The following CORO1C variants were observed in gnomAD, a reference collection of about 807,000 sequenced individuals.
CORO1C encodes coronin-1C.
A neutral mutation model predicts 51.2 loss-of-function variants in CORO1C; 14 were observed. That is an observed-to-expected ratio of 0.27 (90% CI 0.18 to 0.43). The LOEUF is 0.43. Ranked by LOEUF, CORO1C falls within the 20% of genes least tolerant of loss-of-function variation. The pLI is 1.00. For missense variants in CORO1C, 417 were observed against 607.8 expected (o/e 0.69, Z 3.30); for synonymous variants, 181 against 210.5 (o/e 0.86, Z 1.21).
In CORO1C at chr12:108,647,294, T is replaced by G; in HGVS notation, c.*109A>C. The G allele has an allele frequency of 1.0e-6, 1 of 993,914 alleles. No individual in the cohort carries two copies. The highest frequency in any genetic ancestry group is 2.0e-5 in the South Asian group (1 of 48,878). The allele number at this position is 993,914 out of a possible 1,614,324, so 61.6% of individuals were successfully genotyped here. ...GTTGACAAATCTGAAATGGAATGTC[T>G]CCAAATGGCAGTGCCTCCCTTTCCG... is the stretch of plus-strand genomic sequence containing the variant. On this transcript the variant is annotated 3_prime_UTR_variant, in exon 11 of 11. Coordinates refer to ENST00000261401, the MANE Select transcript of CORO1C (RefSeq NM_014325.4).
At chr12:108,683,957 A>T (rs1023886621) in intron 2 of CORO1C, among the ~76,000 whole-genome samples, 3 of 152,220 alleles carry the variant, frequency 2.0e-5, no homozygotes, top group African/African-American at 7.2e-5. Context: ...TGAAGCCTAT[A>T]TGACTTATAA....
At chr12:108,692,547 C>G (rs934418522) in intron 2 of CORO1C, among the ~76,000 whole-genome samples, 30 of 152,346 alleles carry the variant, frequency 2.0e-4, no homozygotes, top group African/African-American at 6.0e-4. Context: ...TCAAGTAGCC[C>G]ATGAAAGAAG....
intron 2 of CORO1C, among the ~76,000 whole-genome samples, chr12:108,681,370 G>A (rs1049650150): frequency 1.1e-4 from 16 of 152,126 alleles, no homozygotes; most frequent in Non-Finnish European, 2.2e-4. Flanking sequence ...TCCCACCTCC[G>A]GCAGTATAAG....
intron 4 of CORO1C, among the ~76,000 whole-genome samples, chr12:108,659,191 T>A (rs893190799): frequency 2.0e-5 from 3 of 152,238 alleles, no homozygotes; most frequent in African/African-American, 7.2e-5. Flanking sequence ...TTTGGGTTCA[T>A]ATGAAACAAT....
In CORO1C at chr12:108,652,421, TA is replaced by T; in HGVS notation, c.856-5del. On this transcript the variant is annotated splice_polypyrimidine_tract_variant and splice_region_variant and intron_variant, in intron 7 of 10. Coordinates refer to ENST00000261401, the MANE Select transcript of CORO1C (RefSeq NM_014325.4). Reference sequence around the variant, plus strand: ...AATAGCGAATACTGCTGTCACCCTGTAAGAAACCAGAGACAAGTCTGTGTCT... The same window carrying T: ...AATAGCGAATACTGCTGTCACCCTGTAGAAACCAGAGACAAGTCTGTGTCT... 6.2e-7 allele frequency: 1 copy of T among 1,612,240 alleles called. No homozygotes were observed. The highest frequency in any genetic ancestry group is 8.5e-7 in the Non-Finnish European group (1 of 1,178,466).
intron 1 of CORO1C, among the ~76,000 whole-genome samples, chr12:108,716,556 C>T (rs1032399192): frequency 6.6e-6 from 1 of 152,112 alleles, no homozygotes; most frequent in African/African-American, 2.4e-5. Flanking sequence ...TTCAAAGGAA[C>T]ATTAAGGAAG....
intron 1 of CORO1C, among the ~76,000 whole-genome samples, chr12:108,702,552 CAT>C (rs1300271050): frequency 2.6e-5 from 4 of 152,134 alleles, no homozygotes; most frequent in Non-Finnish European, 5.9e-5. Flanking sequence ...ACATTCTGTT[CAT>C]GTTGGTTAGA....
Position 108,652,336 on chromosome 12 carries a change from G to A in CORO1C, c.937C>T (p.Pro313Ser), listed in dbSNP as rs1327464387. 1 of 1,613,682 alleles carries A rather than the reference G, an allele frequency of 6.2e-7. No individual in the cohort carries two copies. The highest frequency in any genetic ancestry group is 8.5e-7 in the Non-Finnish European group (1 of 1,179,764). ...HYLNTFSSKE[P>S]QRGMGYMPKR... The stretch of plus-strand genomic sequence containing the variant: ...GGCATGTAACCCATCCCTCTCTGAG[G>A]CTCCTTGCTGCTGAATGTGTTGAGG... Residue 313 changes from proline to serine, a missense_variant, in exon 8 of 11, where the codon CCT becomes TCT. By Grantham distance (74) the Pro-to-Ser change is moderately conservative. Transcript: ENST00000261401.
chr12:108,695,338 T>C (rs2034637452), intron 2 of CORO1C, among the ~76,000 whole-genome samples: 1 of 152,190 alleles, frequency 6.6e-6, no homozygotes. Context: ...GCTAGCCCTA[T>C]TCAGTGTTGG....
At chr12:108,668,780 C>T (rs1157759121) in intron 3 of CORO1C, among the ~76,000 whole-genome samples, 1 of 152,172 alleles carries the variant, frequency 6.6e-6, no homozygotes, top group Non-Finnish European at 1.5e-5. Flanking sequence ...TTGATTACTA[C>T]CCTGCAGATA....
chr12:108,683,412 CTG>C (rs1399114163), intron 2 of CORO1C, among the ~76,000 whole-genome samples: 1 of 135,832 alleles, frequency 7.4e-6, no homozygotes, highest in East Asian at 2.1e-4. Context: ...GTGCAAGACT[CTG>C]TCTCAAAAAA....
intron 1 of CORO1C, among the ~76,000 whole-genome samples, chr12:108,713,819 C>CG (rs2035252787): frequency 6.6e-6 from 1 of 152,216 alleles, no homozygotes; most frequent in Admixed American, 6.5e-5. Context: ...CCACATCAGC[C>CG]AACAATGGCA....
At chr12:108,671,060 T>C (rs975521602) in intron 3 of CORO1C, among the ~76,000 whole-genome samples, 2 of 151,636 alleles carry the variant, frequency 1.3e-5, no homozygotes, top group African/African-American at 4.8e-5. Context: ...GGGCCTGGCA[T>C]GGTGGCTCAC....
intron 2 of CORO1C, among the ~76,000 whole-genome samples, chr12:108,679,095 G>A (rs2034021452): frequency 2.0e-5 from 2 of 102,364 alleles, no homozygotes; most frequent in South Asian, 3.6e-4. Context: ...TGGCGACAGA[G>A]AGAGACTCTG....
At chr12:108,660,231 C>T (rs890630164) in intron 4 of CORO1C, among the ~76,000 whole-genome samples, 1 of 152,186 alleles carries the variant, frequency 6.6e-6, no homozygotes, top group African/African-American at 2.4e-5. Context: ...GCGGGCAGAT[C>T]ACCTGAGGTC....
At chr12:108,701,489 C>T (rs747605922) in intron 1 of CORO1C, 166 bp from the exon 2 acceptor site, 4 of 979,694 alleles carry the variant, frequency 4.1e-6, no homozygotes, top group South Asian at 1.7e-5. Flanking sequence ...CAGCACATAC[C>T]CGGAGACAAC....
intron 2 of CORO1C, among the ~76,000 whole-genome samples, chr12:108,684,150 T>A (rs372636316): frequency 1.7e-4 from 26 of 152,206 alleles, no homozygotes; most frequent in East Asian, 7.7e-4. Context: ...AGCAGAGAAC[T>A]CACAGCGAAG....
chr12:108,667,781 A>G (rs1289002775), intron 3 of CORO1C, among the ~76,000 whole-genome samples: 1 of 152,098 alleles, frequency 6.6e-6, no homozygotes, highest in Non-Finnish European at 1.5e-5. Flanking sequence ...GTGGTTCTGG[A>G]AAAAAACAAC....
intron 6 of CORO1C, among the ~76,000 whole-genome samples, chr12:108,655,555 T>A (rs1284154904): frequency 2.0e-5 from 3 of 152,222 alleles, no homozygotes; most frequent in African/African-American, 7.2e-5. Flanking sequence ...GGTTTTCGTA[T>A]TTTTTTGGTG....
Sources: gnomAD v4.1 joint callset for allele counts (sites outside exome capture counted in the v4.1 genomes callset) on GRCh38, gnomAD v4.1.1 for gene constraint, MANE v1.5 for transcripts, NCBI Gene and HGNC (gene_info 2026-07-23, HGNC 2026-07-21) for gene names.